The following GFPT1 variants were observed in gnomAD, a reference collection of about 807,000 sequenced individuals.
GFPT1 encodes glutamine--fructose-6-phosphate transaminase 1, also known as glutamine--fructose-6-phosphate aminotransferase [isomerizing] 1.
Under a neutral mutation model 92.0 loss-of-function variants are expected in GFPT1, and 40 were observed. The ratio of observed to expected loss-of-function variants is 0.43; its 90% CI spans 0.34 to 0.57. GFPT1 has a LOEUF of 0.57. Among genes scored for constraint, GFPT1 ranks in the 20% least tolerant of loss-of-function variants. GFPT1 has a pLI of 0.02. For missense variants in GFPT1, 448 were observed against 869.1 expected (o/e 0.52, Z 6.09); for synonymous variants, 269 against 280.6 (o/e 0.96, Z 0.41).
chr2:69,328,374 G>A lies in GFPT1; in HGVS notation c.1790C>T (p.Pro597Leu). ...CATCAATTTATCCACCAAAGCCAGA[G>A]GGCCATGTTTCAATTCACCAGCAAG... Reference protein sequence around the residue: ...GILAGELKHGPLALVDKLMPV... With the variant: ...GILAGELKHGLLALVDKLMPV... Residue 597 changes from proline (P) to leucine (L), a missense_variant, in exon 18 of 20, where the codon CCT (proline) becomes CTT (leucine). Around this residue, in one of 7 missense-constraint regions of GFPT1, gnomAD observed 5 missense variants for 46.8 expected, o/e 0.11. Transcript: ENST00000357308. 1 of 1,613,082 alleles carries A rather than the reference G, an allele frequency of 6.2e-7. No homozygotes were observed. Among genetic ancestry groups the A allele is most frequent in the Non-Finnish European group, 8.5e-7 (1 of 1,179,102 alleles).
intron 3 of GFPT1, among the ~76,000 whole-genome samples, chr2:69,366,884 T>G (rs1429584474): frequency 6.6e-6 from 1 of 152,202 alleles, no homozygotes; most frequent in East Asian, 1.9e-4. Context: ...TCTGCCTGCC[T>G]TTTCTCAGAT....
intron 1 of GFPT1, among the ~76,000 whole-genome samples, chr2:69,381,522 T>C (rs1410802794): frequency 6.6e-6 from 1 of 151,714 alleles, no homozygotes; most frequent in African/African-American, 2.4e-5. Context: ...TTACACATAC[T>C]ACTCTCTGAA....
chr2:69,349,304 T>C (rs1671154390), intron 10 of GFPT1, among the ~76,000 whole-genome samples: 1 of 152,246 alleles, frequency 6.6e-6, no homozygotes, highest in South Asian at 2.1e-4. Context: ...AAAAGGCTGA[T>C]ATGTTTCTGT....
At chr2:69,372,647 AAAG>A (rs1291662448) in intron 2 of GFPT1, among the ~76,000 whole-genome samples, 1 of 152,222 alleles carries the variant, frequency 6.6e-6, no homozygotes, top group African/African-American at 2.4e-5. Flanking sequence ...AGCAAACAGA[AAAG>A]AAGTAATCTT....
chr2:69,383,772 T>C (rs1177826916), intron 1 of GFPT1, among the ~76,000 whole-genome samples: 1 of 152,144 alleles, frequency 6.6e-6, no homozygotes, highest in African/African-American at 2.4e-5. Flanking sequence ...ATTACAGGCA[T>C]GCGCCACTAC....
intron 9 of GFPT1, among the ~76,000 whole-genome samples, chr2:69,353,337 G>A (rs1317585018): frequency 6.6e-6 from 1 of 152,116 alleles, no homozygotes; most frequent in Non-Finnish European, 1.5e-5. Flanking sequence ...AAGAGTTTGA[G>A]ACCAGCCTGG....
Position 69,334,635 on chromosome 2 carries a change from C to A in GFPT1, c.1482+3263G>T, listed in dbSNP as rs1311276437. The stretch of plus-strand genomic sequence containing the variant: ...ATAGTGGGTCACTAGAACTCATTAA[C>A]ATTAGCGTTACTAAAGTTGGTATAC... On this transcript the variant is annotated intron_variant, in intron 15 of 19. Coordinates refer to ENST00000357308, the MANE Select transcript of GFPT1 (RefSeq NM_001244710.2). 3 of 152,214 alleles carry A rather than the reference C, an allele frequency of 2.0e-5. No individual in the cohort carries two copies. In the East Asian group the frequency reaches 5.8e-4, roughly 29 times the overall value. The allele number at this position is 152,214 out of a possible 1,614,324, so 9.4% of individuals were successfully genotyped here.
intron 3 of GFPT1, among the ~76,000 whole-genome samples, chr2:69,365,685 T>A (rs548401817): frequency 1.5e-4 from 23 of 152,340 alleles, no homozygotes; most frequent in African/African-American, 5.1e-4. Context: ...AACTCAGGCA[T>A]CTATTCTTTC....
rs1402837442 is a variant in GFPT1 at position 69,326,012 on chromosome 2, TG to T, written c.*176del. 1.8e-6 allele frequency: 1 copy of T among 569,068 alleles called. No homozygotes were observed. Among genetic ancestry groups the T allele is most frequent in the African/African-American group, 1.9e-5 (1 of 53,190 alleles). 35.3% of individuals were successfully genotyped at this position (569,068 alleles called of 1,614,324 possible). ...AGTCCTCCACAAATTACTGGGAAAA[TG>T]TAAGAGGTAACTTCACAAAAATCAC... On this transcript the variant is annotated 3_prime_UTR_variant, in exon 20 of 20. Transcript: ENST00000357308.
chr2:69,350,164 G>A lies in GFPT1; in HGVS notation c.759C>T (p.Ser253=). Residue 253 remains serine (S), a synonymous_variant, in exon 10 of 20, where the codon AGC becomes AGT. Transcript: ENST00000357308. ...TGCTGTCCACACGAGAGAGATTGCA[G>A]CTTCCTTTCTTGTCTTTGCCTAAAG... ...QGERGKDKKG[S]CNLSRVDSTT... is the part of the protein sequence containing the mutation. 2 of 1,613,220 alleles carry A rather than the reference G, an allele frequency of 1.2e-6. No individual in the cohort carries two copies. The highest frequency in any genetic ancestry group is 1.7e-6 in the Non-Finnish European group (2 of 1,179,216).
intron 15 of GFPT1, among the ~76,000 whole-genome samples, chr2:69,330,304 C>T (rs930485576): frequency 2.0e-5 from 3 of 152,122 alleles, no homozygotes; most frequent in Non-Finnish European, 4.4e-5. Context: ...ATGACTCAAC[C>T]TTTATTTCTT....
chr2:69,354,242 C>A lies in GFPT1; in HGVS notation c.739+17G>T, dbSNP rs1382523139. ...GAGGATAAGATCCTCCCCATCCATG[C>A]AGAGTGCATTTCCCACCTCTTTCTC... On this transcript the variant is annotated intron_variant, in intron 9 of 19. Transcript: ENST00000357308. 5 of 1,548,440 alleles carry A rather than the reference C, an allele frequency of 3.2e-6. No homozygotes were observed. The South Asian group carries it at 5.7e-5, about 18-fold the overall frequency.
At chr2:69,335,711 C>T (rs1670777177) in intron 15 of GFPT1, among the ~76,000 whole-genome samples, 1 of 152,144 alleles carries the variant, frequency 6.6e-6, no homozygotes, top group Non-Finnish European at 1.5e-5. Context: ...ATAGTGTTAG[C>T]AATATCGAAA....
At chr2:69,383,920 G>A (rs888971870) in intron 1 of GFPT1, among the ~76,000 whole-genome samples, 5 of 152,250 alleles carry the variant, frequency 3.3e-5, no homozygotes, top group South Asian at 4.1e-4. Flanking sequence ...GAGCCACCGC[G>A]CCCATCCCCA....
At chr2:69,355,112 C>G (rs1671305674) in intron 7 of GFPT1, among the ~76,000 whole-genome samples, 2 of 152,186 alleles carry the variant, frequency 1.3e-5, no homozygotes, top group Admixed American at 1.3e-4. Context: ...CAGCCTTGCT[C>G]TGTCTCCCAG....
At chr2:69,385,519 C>T (rs1284175940) in intron 1 of GFPT1, among the ~76,000 whole-genome samples, 1 of 146,780 alleles carries the variant, frequency 6.8e-6, no homozygotes, top group African/African-American at 2.6e-5. Flanking sequence ...GCCACCACGC[C>T]CAGCGCTGAT....
Position 69,348,342 on chromosome 2 carries a change from G to A in GFPT1, c.846-8C>T, listed in dbSNP as rs1176464392. 6.2e-7 allele frequency: 1 copy of A among 1,602,988 alleles called. No homozygotes were observed. The highest frequency in any genetic ancestry group is 8.5e-7 in the Non-Finnish European group (1 of 1,170,014). ...GTGTGTTCTATGACAGCACTATAAA[G>A]TTTTCAAGGAGATATTACAATCGAT... On this transcript the variant is annotated splice_region_variant and splice_polypyrimidine_tract_variant and intron_variant, in intron 10 of 19. Coordinates refer to ENST00000357308, the MANE Select transcript of GFPT1 (RefSeq NM_001244710.2).
intron 17 of GFPT1, 67 bp from the exon 18 acceptor site, chr2:69,328,505 T>C (rs963125826): frequency 1.7e-6 from 2 of 1,176,106 alleles, no homozygotes; most frequent in African/African-American, 3.0e-5. Flanking sequence ...GTAAATATTA[T>C]AAAAAGCATC....
At chr2:69,338,720 A>C (rs904499257) in intron 13 of GFPT1, among the ~76,000 whole-genome samples, 155 bp from the exon 14 acceptor site, 4 of 152,210 alleles carry the variant, frequency 2.6e-5, no homozygotes, top group Admixed American at 2.6e-4. Context: ...TAAAAAAAAA[A>C]AATCAAAATC....
Sources: allele counts gnomAD v4.1 joint callset (sites outside exome capture counted in the v4.1 genomes callset), GRCh38; gene constraint gnomAD v4.1.1; regional missense constraint gnomAD v4.1.1; transcripts MANE v1.5; gene names NCBI Gene and HGNC (gene_info 2026-07-23, HGNC 2026-07-21).